The following TMEM208 variants were observed in gnomAD, a reference collection of about 807,000 sequenced individuals.
TMEM208 encodes transmembrane protein 208, also known as SRP-independent targeting 2 homolog.
A neutral mutation model predicts 26.4 loss-of-function variants in TMEM208; 19 were observed. That is an observed-to-expected ratio of 0.72 (90% CI 0.50 to 1.06). The LOEUF is 1.06. Among genes scored for constraint, TMEM208 ranks in the 50% least tolerant of loss-of-function variants. The probability of loss-of-function intolerance (pLI) is 0.00; values close to 1 mark genes in which losing one functional copy is unlikely to be tolerated. For missense variants in TMEM208, 183 were observed against 219.8 expected, an observed-to-expected ratio of 0.83 and a Z score of 1.06; for synonymous variants, 93 against 83.1, an observed-to-expected ratio of 1.12 and a Z score of -0.65.
chr16:67,228,344 A>AT lies in TMEM208; in HGVS notation c.103-9dup. On this transcript the variant is annotated splice_polypyrimidine_tract_variant and intron_variant, in intron 2 of 5. Coordinates refer to ENST00000304800, the MANE Select transcript of TMEM208 (RefSeq NM_014187.4). ...CTTCTGACCCCAACCTGATCCTGTG[A>AT]TTGCTTGCAGGCCATTTACTGCCTT... The AT allele has an allele frequency of 6.2e-7, 1 of 1,613,900 alleles. No individual in the cohort carries two copies. Among genetic ancestry groups the AT allele is most frequent in the South Asian group, 1.1e-5 (1 of 91,078 alleles).
chr16:67,227,147 C>T lies in TMEM208; in HGVS notation c.-72C>T, dbSNP rs371606824. 1.4e-3 allele frequency: 2,312 copies of T among 1,599,018 alleles called. 14 individuals carry two copies. Among genetic ancestry groups the T allele is most frequent in the Middle Eastern group, 4.7e-3 (28 of 6,012 alleles). On this transcript the variant is annotated 5_prime_UTR_variant, in exon 1 of 6. The change creates a premature stop within an existing upstream ORF in the 5' untranslated region. Coordinates refer to ENST00000304800, the MANE Select transcript of TMEM208 (RefSeq NM_014187.4). ...TCTGCGCCGGAAGTGCATGAGCTGC[C>T]GATGTGGTGCTTAGTGATTGCGGTT...
At chr16:67,227,962 A>G (rs947601201) in intron 2 of TMEM208, 31 bp downstream of exon 2, 17 of 1,550,446 alleles carry the variant, frequency 1.1e-5, no homozygotes, top group African/African-American at 1.1e-4. Context: ...TTCTATGCCC[A>G]CTTATAGTCA....
chr16:67,229,197 CT>C lies in TMEM208; in HGVS notation c.*85del. ...CCCTCATGCCTGGAGCAATGAGGGT[CT>C]AGTCCAGGGGCCAAAAGCAGTCTGA... On this transcript the variant is annotated 3_prime_UTR_variant, in exon 6 of 6. Transcript: ENST00000304800. 2.1e-6 allele frequency: 3 copies of C among 1,426,020 alleles called. No homozygotes were observed. The highest frequency in any genetic ancestry group is 2.8e-6 in the Non-Finnish European group (3 of 1,057,842). 88.3% of individuals were successfully genotyped at this position (1,426,020 alleles called of 1,614,324 possible). A position where few individuals can be genotyped will look rare whatever the true frequency, so the allele number is the denominator to read the frequency against.
rs762439167 is a variant in TMEM208, at chr16:67,228,308, T to G, written c.103-47T>G. On this transcript the variant is annotated intron_variant, in intron 2 of 5. Transcript: ENST00000304800. ...GGTCAGAGTTGAGGGAGACCCATGG[T>G]TTGGAGGTAACTTCTGACCCCAACC... 37 of 1,603,792 alleles carry G rather than the reference T, an allele frequency of 2.3e-5. No individual in the cohort carries two copies. The South Asian group carries it at 4.0e-4, about 17-fold the overall frequency.
chr16:67,227,411 C>T (rs1240631199), intron 1 of TMEM208, among the ~76,000 whole-genome samples, 187 bp downstream of exon 1: 1 of 152,144 alleles, frequency 6.6e-6, no homozygotes, highest in African/African-American at 2.4e-5. Flanking sequence ...AGTGCCAGAG[C>T]GGGGTGGGCA....
rs548081867 is a variant in TMEM208 at position 67,227,784 on chromosome 16, G to A, written c.7-52G>A. Reference sequence around the variant, plus strand: ...CTCTATAGCTCACCAGGCTGGTGGGGAGAATGAGGAGGACCGTGGCCTCCT... The same window carrying A: ...CTCTATAGCTCACCAGGCTGGTGGGAAGAATGAGGAGGACCGTGGCCTCCT... On this transcript the variant is annotated intron_variant, in intron 1 of 5. Transcript: ENST00000304800. The A allele has an allele frequency of 5.1e-4, 733 of 1,434,614 alleles. 5 individuals are homozygous for A. The African/African-American group carries it at 9.4e-3, about 18-fold the overall frequency. The allele number at this position is 1,434,614 out of a possible 1,614,324, so 88.9% of individuals were successfully genotyped here.
In TMEM208 at chr16:67,229,004, G is replaced by A; in HGVS notation, c.413G>A (p.Trp138Ter). 1 of 1,610,100 alleles carries A rather than the reference G, an allele frequency of 6.2e-7. No homozygotes were observed. The highest frequency in any genetic ancestry group is 8.5e-7 in the Non-Finnish European group (1 of 1,177,094). ...CCAGGCCGGGCCCTTTACCTCCTGT[G>A]GGTGAATGTGCTGGGCCCCTGGTTC... ...LAPGRALYLL[W>*]VNVLGPWFTA... The change falls in exon 6 of 6, where the codon TGG (tryptophan) becomes TAG (stop). Residue 138 changes from tryptophan to a stop codon, truncating the protein, a stop_gained. Coordinates refer to ENST00000304800, the MANE Select transcript of TMEM208 (RefSeq NM_014187.4). LOFTEE classifies it high-confidence loss of function.
chr16:67,227,353 T>C, intron 1 of TMEM208, 129 bp downstream of exon 1: 1 of 1,345,864 alleles, frequency 7.4e-7, no homozygotes. Context: ...GGCCAGACCG[T>C]GCTAGAGCTG....
In TMEM208 at chr16:67,228,560, A is replaced by G. The variant is rs1597310197; in HGVS notation, c.228A>G (p.Arg76=). 1 of 1,609,782 alleles carries G rather than the reference A, an allele frequency of 6.2e-7. No individual in the cohort carries two copies. Among genetic ancestry groups the G allele is most frequent in the South Asian group, 1.1e-5 (1 of 90,772 alleles). ...ASYHSMSSMA[R]AAFSEDGALM... ...ACCACTCTATGAGCTCGATGGCACG[A>G]GCAGCGTTCTCTGAGGATGGGGCCC... The change falls in exon 4 of 6, where the codon CGA becomes CGG. Residue 76 remains arginine, a synonymous_variant. Coordinates refer to ENST00000304800, the MANE Select transcript of TMEM208 (RefSeq NM_014187.4).
chr16:67,227,415 G>C (rs2034063401), intron 1 of TMEM208, among the ~76,000 whole-genome samples, 191 bp downstream of exon 1: 1 of 152,238 alleles, frequency 6.6e-6, no homozygotes, highest in Non-Finnish European at 1.5e-5. Flanking sequence ...CCAGAGCGGG[G>C]TGGGCATCAG....
chr16:67,227,793 G>T, intron 1 of TMEM208, 43 bp from the exon 2 acceptor site: 2 of 1,494,032 alleles, frequency 1.3e-6, no homozygotes, highest in South Asian at 2.4e-5. Flanking sequence ...GGAGAATGAG[G>T]AGGACCGTGG....
Position 67,229,087 on chromosome 16 carries a change from G to C in TMEM208, c.496G>C (p.Glu166Gln), listed in dbSNP as rs1156396745. The C allele has an allele frequency of 6.2e-7, 1 of 1,611,790 alleles. No individual in the cohort carries two copies. The highest frequency in any genetic ancestry group is 8.5e-7 in the Non-Finnish European group (1 of 1,178,888). Residue 166 changes from glutamate to glutamine, a missense_variant, in exon 6 of 6, where the codon GAG becomes CAG. Physicochemically the swap from Glu to Gln is conservative, Grantham distance 29. Coordinates refer to ENST00000304800, the MANE Select transcript of TMEM208 (RefSeq NM_014187.4). ...CAATGAGAAACGGCAGCGCCGACAG[G>C]AGCGGCGGCAGATGAAGCGGTTATA... ...EHNEKRQRRQ[E>Q]RRQMKRL
At chr16:67,227,352 GT>G in intron 1 of TMEM208, 128 bp downstream of exon 1, 1 of 1,350,232 alleles carries the variant, frequency 7.4e-7, no homozygotes, top group Non-Finnish European at 1.0e-6. Context: ...TGGCCAGACC[GT>G]GCTAGAGCTG....
intron 1 of TMEM208, 96 bp from the exon 2 acceptor site, chr16:67,227,740 G>A (rs546630026): frequency 1.2e-4 from 112 of 968,272 alleles, no homozygotes; most frequent in Middle Eastern, 6.8e-4. Context: ...ACGGGGACCT[G>A]GCTGAGTTGC....
At chr16:67,228,198 TG>T in intron 2 of TMEM208, 156 bp from the exon 3 acceptor site, 1 of 806,374 alleles carries the variant, frequency 1.2e-6, no homozygotes, top group Non-Finnish European at 2.0e-6. Context: ...CAGAGGAGAG[TG>T]GGTATTTGGG....
In TMEM208 at chr16:67,229,236, A is replaced by C; in HGVS notation, c.*123A>C. On this transcript the variant is annotated 3_prime_UTR_variant, in exon 6 of 6. Coordinates refer to ENST00000304800, the MANE Select transcript of TMEM208 (RefSeq NM_014187.4). ...AAAAGCAGTCTGAGGTATTGGGTAT[A>C]CTTATACTCTATAGGGTCGTTGAAT... 1 of 974,544 alleles carries C rather than the reference A, an allele frequency of 1.0e-6. No homozygotes were observed. Among genetic ancestry groups the C allele is most frequent in the Non-Finnish European group, 1.5e-6 (1 of 665,478 alleles). The allele number at this position is 974,544 out of a possible 1,614,324, so 60.4% of individuals were successfully genotyped here.
chr16:67,228,312 G>A, intron 2 of TMEM208, 43 bp from the exon 3 acceptor site: 2 of 1,607,724 alleles, frequency 1.2e-6, no homozygotes, highest in African/African-American at 1.3e-5. Context: ...CCATGGTTTG[G>A]AGGTAACTTC....
chr16:67,227,333 C>T (rs2034059629), intron 1 of TMEM208, 109 bp downstream of exon 1: 4 of 1,474,380 alleles, frequency 2.7e-6, no homozygotes, highest in East Asian at 2.3e-5. Context: ...CAGAGCGGGG[C>T]GCCATCCCTG....
chr16:67,227,963 C>A (rs776517411), intron 2 of TMEM208, 32 bp downstream of exon 2: 9 of 1,548,838 alleles, frequency 5.8e-6, no homozygotes, highest in Admixed American at 1.9e-5. Context: ...TCTATGCCCA[C>A]TTATAGTCAG....
Sources: allele counts gnomAD v4.1 joint callset (sites outside exome capture counted in the v4.1 genomes callset), GRCh38; gene constraint gnomAD v4.1.1; transcripts MANE v1.5; gene names NCBI Gene and HGNC (gene_info 2026-07-23, HGNC 2026-07-21).